RBFOX1: variants seen among roughly 807,000 people sequenced by gnomAD.
RBFOX1 encodes RNA binding fox-1 homolog 1.
RBFOX1 carries 8 observed loss-of-function variants against 57.7 expected under a neutral mutation model. The ratio of observed to expected loss-of-function variants is 0.14; its 90% confidence interval spans 0.08 to 0.25. The LOEUF (loss-of-function observed/expected upper bound fraction) is 0.25. RBFOX1 is among the 10% of genes least tolerant of loss of function. The pLI, the probability that RBFOX1 is intolerant of heterozygous loss-of-function variation, is 1.00. For synonymous variants in RBFOX1, 326 were observed against 222.4 expected (o/e 1.47, Z -4.15); for missense variants, 611 against 548.5 (o/e 1.11, Z -1.14).
rs1252996201 is a variant in RBFOX1 at position 6,965,314 on chromosome 16, GTTGTGTGTGTGTGTGTGTGTGT to G, written c.-15-86742_-15-86721del. On this transcript the variant is annotated intron_variant, in intron 3 of 15. Coordinates refer to ENST00000550418, the MANE Select transcript of RBFOX1 (RefSeq NM_018723.4). ...ACAAATCCAATTTCCTTTTTCTTTT[GTTGTGTGTGTGTGTGTGTGTGT>G]GTGTGTGTGTGTGTGTGTGTGTGTA... 7.6e-4 allele frequency among the ~76,000 whole-genome samples: 102 copies of G among 133,516 alleles called. 1 individual carries two copies. Among genetic ancestry groups the G allele is most frequent in the Middle Eastern group, 4.0e-3 (1 of 248 alleles). The allele number at this position is 133,516 out of a possible 152,430, so 87.6% of individuals were successfully genotyped here.
intron 1 of RBFOX1, among the ~76,000 whole-genome samples, chr16:6,129,386 G>A (rs964562077): frequency 1.3e-5 from 2 of 152,076 alleles, no homozygotes; most frequent in South Asian, 2.1e-4. Flanking sequence ...AAATAAGCAA[G>A]GCACTTGAAC....
At chr16:6,962,260 C>A (rs1271878095) in intron 3 of RBFOX1, among the ~76,000 whole-genome samples, 6 of 152,130 alleles carry the variant, frequency 3.9e-5, no homozygotes, top group Non-Finnish European at 7.4e-5. Context: ...CCTCTCCTTT[C>A]TCTTACAAAA....
At chr16:7,675,855 G>A (rs543959473) in intron 13 of RBFOX1, among the ~76,000 whole-genome samples, 2 of 152,288 alleles carry the variant, frequency 1.3e-5, no homozygotes, top group South Asian at 2.1e-4. Context: ...GCGGACACTG[G>A]ATCCTGTTTA....
chr16:6,119,098 C>G (rs1046507337), intron 1 of RBFOX1, among the ~76,000 whole-genome samples: 4 of 150,982 alleles, frequency 2.6e-5, no homozygotes, highest in Admixed American at 6.6e-5. Flanking sequence ...ATAATATGTC[C>G]GAGTGTCAGT....
chr16:6,999,212 A>ATTTTTTTTTTTTTTTTTT (rs1254312494), intron 3 of RBFOX1, among the ~76,000 whole-genome samples: 3 of 117,700 alleles, frequency 2.5e-5, no homozygotes, highest in Non-Finnish European at 3.8e-5. Context: ...TTTTATTTTT[A>ATTTTTTTTTTTTTTTTTT]TTTATTTTTT....
chr16:6,090,818 T>C (rs889064027), intron 1 of RBFOX1, among the ~76,000 whole-genome samples: 3 of 152,116 alleles, frequency 2.0e-5, no homozygotes, highest in African/African-American at 7.2e-5. Flanking sequence ...ATGTAGTCTA[T>C]GGTGGAGGGA....
rs186523944 is a variant in RBFOX1 at position 7,306,372 on chromosome 16, G to A, written c.28-211775G>A. 1.9e-3 allele frequency among the ~76,000 whole-genome samples: 282 copies of A among 152,264 alleles called. 1 individual carries two copies. Among genetic ancestry groups the A allele is most frequent in the African/African-American group, 6.5e-3 (268 of 41,544 alleles). Reference sequence around the variant, plus strand: ...CACGAGGAAAAACACCCCTGCTCTGGAAAGGGGAGGCTTGAAGAAAACATT... The same window carrying A: ...CACGAGGAAAAACACCCCTGCTCTGAAAAGGGGAGGCTTGAAGAAAACATT... On this transcript the variant is annotated intron_variant, in intron 4 of 15. Transcript: ENST00000550418.
intron 3 of RBFOX1, among the ~76,000 whole-genome samples, chr16:5,756,980 A>G (rs1186205279): frequency 6.6e-6 from 1 of 152,230 alleles, no homozygotes; most frequent in Admixed American, 6.5e-5. Context: ...CCAATGATTT[A>G]ATGTTATTCT....
At chr16:6,658,067 A>G (rs571119869) in intron 3 of RBFOX1, among the ~76,000 whole-genome samples, 2 of 152,240 alleles carry the variant, frequency 1.3e-5, no homozygotes, top group Admixed American at 6.5e-5. Context: ...AGAAAAGACA[A>G]AACCTTAGGT....
intron 4 of RBFOX1, among the ~76,000 whole-genome samples, chr16:7,220,358 C>G (rs187568457): frequency 1.3e-4 from 20 of 152,116 alleles, no homozygotes; most frequent in African/African-American, 4.8e-4. Flanking sequence ...CAACATGGCC[C>G]CAAGTATAGG....
At chr16:6,708,891 T>G (rs1044670059) in intron 3 of RBFOX1, among the ~76,000 whole-genome samples, 2 of 152,264 alleles carry the variant, frequency 1.3e-5, no homozygotes, top group East Asian at 3.9e-4. Context: ...TTTCCTCTTC[T>G]CTGCTTCCCA....
chr16:6,441,273 G>A (rs1244665107), intron 2 of RBFOX1, among the ~76,000 whole-genome samples: 2 of 152,098 alleles, frequency 1.3e-5, no homozygotes, highest in African/African-American at 4.8e-5. Flanking sequence ...AGTATCTCTG[G>A]GGAACAAATA....
intron 3 of RBFOX1, among the ~76,000 whole-genome samples, chr16:6,794,604 A>G (rs1457855150): frequency 3.9e-5 from 6 of 152,278 alleles, no homozygotes; most frequent in Admixed American, 6.5e-5. Context: ...TGACCTACAT[A>G]TAAATCATGG....
At chr16:6,384,212 G>C (rs2092076469) in intron 2 of RBFOX1, among the ~76,000 whole-genome samples, 1 of 152,126 alleles carries the variant, frequency 6.6e-6, no homozygotes, top group South Asian at 2.1e-4. Context: ...TTATGGAACA[G>C]ATTTCAAGGT....
chr16:6,495,501 C>T (rs1268391656), intron 2 of RBFOX1, among the ~76,000 whole-genome samples: 1 of 152,030 alleles, frequency 6.6e-6, no homozygotes, highest in Non-Finnish European at 1.5e-5. Context: ...TTGGCTGAGA[C>T]AGTAATATTC....
At chr16:5,772,160 A>G (rs2054000931) in intron 3 of RBFOX1, among the ~76,000 whole-genome samples, 1 of 152,222 alleles carries the variant, frequency 6.6e-6, no homozygotes, top group African/African-American at 2.4e-5. Context: ...TGACAGAGCA[A>G]GACTCTGTCT....
intron 3 of RBFOX1, among the ~76,000 whole-genome samples, chr16:6,914,094 TG>T (rs1182176526): frequency 5.3e-5 from 8 of 152,242 alleles, no homozygotes; most frequent in African/African-American, 1.9e-4. Context: ...ATCTATCCAG[TG>T]CTAAAACATT....
chr16:7,446,923 C>T (rs866035225), intron 4 of RBFOX1, among the ~76,000 whole-genome samples: 2 of 144,400 alleles, frequency 1.4e-5, no homozygotes, highest in African/African-American at 5.1e-5. Flanking sequence ...CAGCATTCTC[C>T]TGTCTCAGCC....
intron 1 of RBFOX1, among the ~76,000 whole-genome samples, chr16:6,189,116 A>G (rs141091269): frequency 6.6e-6 from 1 of 152,360 alleles, no homozygotes; most frequent in Non-Finnish European, 1.5e-5. Context: ...TAAACCACCA[A>G]ATGGTTCCAT....
Sources: gnomAD v4.1 joint callset for allele counts (sites outside exome capture counted in the v4.1 genomes callset) on GRCh38, gnomAD v4.1.1 for gene constraint, MANE v1.5 for transcripts, NCBI Gene and HGNC (gene_info 2026-07-23, HGNC 2026-07-21) for gene names.